FLNB: variants seen among roughly 807,000 people sequenced by gnomAD.
FLNB encodes filamin-B.
A neutral mutation model predicts 250.6 loss-of-function variants in FLNB; 111 were observed. The observed-to-expected ratio is 0.44, with a 90% CI of 0.38 to 0.52. FLNB has a LOEUF of 0.52. Among genes scored for constraint, FLNB ranks in the 20% least tolerant of loss-of-function variants. The probability of loss-of-function intolerance (pLI) is 0.00; values close to 1 mark genes in which losing one functional copy is unlikely to be tolerated. For missense variants in FLNB, 2,869 were observed against 3,447.8 expected, an observed-to-expected ratio of 0.83 and a Z score of 4.20; for synonymous variants, 1,302 against 1,372.1, an observed-to-expected ratio of 0.95 and a Z score of 1.13.
chr3:58,117,942 G>A (rs1360101359), intron 18 of FLNB, among the ~76,000 whole-genome samples: 1 of 152,156 alleles, frequency 6.6e-6, no homozygotes, highest in Non-Finnish European at 1.5e-5. Flanking sequence ...TGGATTCTTG[G>A]GGGGAACTCG....
chr3:58,162,569 C>T (rs111880855), intron 42 of FLNB: 2,644 of 153,392 alleles, frequency 0.017, 68 homozygotes, highest in African/African-American at 0.06. Context: ...ATATATATTC[C>T]TTTTTATTTC....
intron 25 of FLNB, chr3:58,131,935 A>G (rs939576028): frequency 6.5e-7 from 1 of 1,536,814 alleles, no homozygotes; most frequent in East Asian, 2.4e-5. Context: ...AGCTGACGAC[A>G]CGGATTCCCA....
At position 58,008,428 on chromosome 3, in the gene FLNB, G is replaced by T. The variant is rs967033867; in HGVS notation, c.-137G>T. 13 of 1,057,252 alleles carry T rather than the reference G, an allele frequency of 1.2e-5. No homozygotes were observed. The highest frequency in any genetic ancestry group is 1.8e-5 in the Non-Finnish European group (13 of 721,458). 65.5% of individuals were successfully genotyped at this position (1,057,252 alleles called of 1,614,324 possible). On this transcript the variant is annotated 5_prime_UTR_variant, in exon 1 of 46. Transcript: ENST00000295956. ...GCCAGGGGCGGGCGGCCGCAGAGCAGCACCGGCCGTGGCTCCGGTAGCAGC... is the reference window on the plus strand; with the variant it reads ...GCCAGGGGCGGGCGGCCGCAGAGCATCACCGGCCGTGGCTCCGGTAGCAGC...
intron 12 of FLNB, among the ~76,000 whole-genome samples, chr3:58,108,116 A>G (rs1313899452): frequency 1.3e-5 from 2 of 152,038 alleles, no homozygotes; most frequent in African/African-American, 2.4e-5. Context: ...CGATGAACAA[A>G]AACAAAAACA....
chr3:58,043,843 C>T (rs1245950628), intron 1 of FLNB, among the ~76,000 whole-genome samples: 1 of 152,202 alleles, frequency 6.6e-6, no homozygotes, highest in Non-Finnish European at 1.5e-5. Flanking sequence ...CACCCCAGTA[C>T]TGGGCATCAG....
At chr3:58,155,856 A>AG in intron 40 of FLNB, 104 bp from the exon 41 acceptor site, 1 of 761,192 alleles carries the variant, frequency 1.3e-6, no homozygotes, top group Admixed American at 2.0e-5. Flanking sequence ...GTGGCCATTG[A>AG]GGAGGGCTGG....
At chr3:58,166,679 AG>A (rs1010873804) in intron 43 of FLNB, among the ~76,000 whole-genome samples, 7 of 152,054 alleles carry the variant, frequency 4.6e-5, no homozygotes, top group African/African-American at 1.7e-4. Flanking sequence ...AAAATTAGCC[AG>A]GCGTGGTGGT....
chr3:58,086,314 T>C (rs1217463238), intron 4 of FLNB, among the ~76,000 whole-genome samples: 1 of 152,036 alleles, frequency 6.6e-6, no homozygotes, highest in African/African-American at 2.4e-5. Context: ...TAGGTGTATG[T>C]TTAAATCCAT....
At chr3:58,168,777 T>C (rs2097375470) in intron 44 of FLNB, 119 bp downstream of exon 44, 1 of 768,248 alleles carries the variant, frequency 1.3e-6, no homozygotes, top group East Asian at 2.7e-5. Context: ...GAACTTTGAA[T>C]GTCAGTAAAT....
At chr3:58,138,556 T>G in intron 29 of FLNB, 27 bp downstream of exon 29, 1 of 1,613,910 alleles carries the variant, frequency 6.2e-7, no homozygotes, top group Non-Finnish European at 8.5e-7. Context: ...CTCCCGAGCA[T>G]GCTGTTATTG....
At chr3:58,150,046 C>G (rs776687429) in intron 37 of FLNB, 44 bp downstream of exon 37, 29 of 1,614,166 alleles carry the variant, frequency 1.8e-5, no homozygotes, top group Non-Finnish European at 2.5e-5. Flanking sequence ...CTTGGGTTTT[C>G]TGTAAATGCT....
At chr3:58,160,071 C>T (rs1352212933) in intron 42 of FLNB, among the ~76,000 whole-genome samples, 1 of 152,124 alleles carries the variant, frequency 6.6e-6, no homozygotes, top group Non-Finnish European at 1.5e-5. Flanking sequence ...AAAACACATA[C>T]ACACAACACA....
At chr3:58,159,773 T>G in intron 42 of FLNB, 87 bp downstream of exon 42, 1 of 1,393,678 alleles carries the variant, frequency 7.2e-7, no homozygotes, top group Non-Finnish European at 1.0e-6. Context: ...GGAGGGCTGA[T>G]CAGTTTCATT....
At chr3:58,167,378 C>T (rs2097372454) in intron 43 of FLNB, among the ~76,000 whole-genome samples, 1 of 152,208 alleles carries the variant, frequency 6.6e-6, no homozygotes, top group African/African-American at 2.4e-5. Flanking sequence ...TTGAGAGTTG[C>T]ACGATAGCAG....
At chr3:58,101,111 C>T (rs1248807463) in intron 8 of FLNB, among the ~76,000 whole-genome samples, 2 of 152,180 alleles carry the variant, frequency 1.3e-5, no homozygotes, top group African/African-American at 4.8e-5. Context: ...TATGTTCATC[C>T]ATAAACCATC....
In FLNB at chr3:58,123,670, G is replaced by A; in HGVS notation, c.3704G>A (p.Gly1235Glu). Residue 1235 changes from glycine to glutamate, a missense_variant, in exon 21 of 46, where the codon GGA (glycine) becomes GAA (glutamate). Gly to Glu is a moderately conservative substitution (Grantham distance 98). This residue lies in a region of FLNB where 1,348 missense variants were observed against 1,466.7 expected (regional missense o/e 0.92). Coordinates refer to ENST00000295956, the MANE Select transcript of FLNB (RefSeq NM_001457.4). ...GACACCAGCAGGATCAAAGTCTTTG[G>A]ACCAGGAATAGAAGGGAAAGGTGGG... is the stretch of plus-strand genomic sequence containing the variant. ...AVDTSRIKVF[G>E]PGIEGKDVFR... 6.3e-7 allele frequency: 1 copy of A among 1,588,918 alleles called. No individual in the cohort carries two copies. Among genetic ancestry groups the A allele is most frequent in the Non-Finnish European group, 8.6e-7 (1 of 1,162,328 alleles).
intron 18 of FLNB, among the ~76,000 whole-genome samples, chr3:58,114,022 T>C (rs1269491751): frequency 6.6e-6 from 1 of 152,178 alleles, no homozygotes; most frequent in Non-Finnish European, 1.5e-5. Flanking sequence ...TCTTCCTATA[T>C]GTCCTCCATG....
intron 1 of FLNB, among the ~76,000 whole-genome samples, chr3:58,047,069 A>G (rs1199175774): frequency 1.3e-5 from 2 of 152,202 alleles, no homozygotes; most frequent in African/African-American, 4.8e-5. Flanking sequence ...TTTTCCTGGA[A>G]AGCCAACTTC....
At chr3:58,070,118 G>A (rs545894525) in intron 1 of FLNB, among the ~76,000 whole-genome samples, 1 of 149,088 alleles carries the variant, frequency 6.7e-6, no homozygotes, top group South Asian at 2.1e-4. Context: ...GTGTGATCTC[G>A]GATCACTGCA....
Sources: gnomAD v4.1 joint callset for allele counts (sites outside exome capture counted in the v4.1 genomes callset) on GRCh38, gnomAD v4.1.1 for gene constraint, gnomAD v4.1.1 regional missense constraint, MANE v1.5 for transcripts, NCBI Gene and HGNC (gene_info 2026-07-23, HGNC 2026-07-21) for gene names.